ERAP1: variants seen among roughly 807,000 people sequenced by gnomAD.
The protein encoded by ERAP1 is endoplasmic reticulum aminopeptidase 1.
Under a neutral mutation model 103.7 loss-of-function variants are expected in ERAP1, and 86 were observed. The ratio of observed to expected loss-of-function variants is 0.83; its 90% confidence interval spans 0.70 to 0.99. ERAP1 has a LOEUF of 0.99. Among genes scored for constraint, ERAP1 ranks in the 50% least tolerant of loss-of-function variants. ERAP1 has a pLI of 0.00. For missense variants in ERAP1, 1,009 were observed against 1,128.4 expected (o/e 0.89, Z 1.52); for synonymous variants, 398 against 402.4 (o/e 0.99, Z 0.13).
chr5:96,793,444 TA>T lies in ERAP1; in HGVS notation c.1143del (p.Phe381LeufsTer9). 1 of 1,613,952 alleles carries T rather than the reference TA, an allele frequency of 6.2e-7. No individual in the cohort carries two copies. The highest frequency in any genetic ancestry group is 8.5e-7 in the Non-Finnish European group (1 of 1,179,902). On this transcript the variant is annotated frameshift_variant, in exon 7 of 19. Transcript: ENST00000443439. LOFTEE classifies it high-confidence loss of function. ...GTCACACTGACAGACACAAACTCCA[TA>T]AATTTGGCAAATCCTTCATTTAGCC... ...DLWLNEGFAK[F>X]MEFVSVSVTH...
chr5:96,881,043 A>C, the ERAP1 span: 1,236 of 174,094 alleles, frequency 7.1e-3, 15 homozygotes, highest in African/African-American at 0.028. Context: ...CAAGTGCTCT[A>C]AAGTGGGATT....
chr5:96,822,143 A>G, the ERAP1 span, among the ~76,000 whole-genome samples: 99,872 of 151,542 alleles, frequency 0.66, 33,388 homozygotes, highest in Non-Finnish European at 0.72. Context: ...GCCAAAGGGT[A>G]TCTTGAGCCT....
At chr5:96,764,675 G>A (rs1244998396) in intron 19 of ERAP1, among the ~76,000 whole-genome samples, 1 of 152,096 alleles carries the variant, frequency 6.6e-6, no homozygotes, top group Non-Finnish European at 1.5e-5. Context: ...TGCGGGTCAC[G>A]CTGCACTTTC....
At chr5:96,782,067 G>A (rs890666089) in intron 15 of ERAP1, among the ~76,000 whole-genome samples, 3 of 148,000 alleles carry the variant, frequency 2.0e-5, no homozygotes, top group Non-Finnish European at 3.0e-5. Flanking sequence ...CTGGAGTGCC[G>A]TGGCTCGATA....
rs549478250 is a variant in ERAP1 at position 96,797,536 on chromosome 5, C to T, written c.664-227G>A. Among the ~76,000 whole-genome samples the T allele has an allele frequency of 7.2e-5, 11 of 152,148 alleles. No individual in the cohort carries two copies. In the South Asian group the frequency reaches 1.9e-3, roughly 26 times the overall value. On this transcript the variant is annotated intron_variant, in intron 3 of 18. Transcript: ENST00000443439. The stretch of plus-strand genomic sequence containing the variant: ...ACAAAAATTAGTCCTGCTGGTGGTG[C>T]GTGCCTGTAGTCATAGCTACTGGGG...
chr5:96,827,984 T>A, the ERAP1 span, among the ~76,000 whole-genome samples: 2 of 152,260 alleles, frequency 1.3e-5, no homozygotes, highest in African/African-American at 4.8e-5. Context: ...TAAGACTTTG[T>A]AGTTCACAGA....
intron 18 of ERAP1, among the ~76,000 whole-genome samples, chr5:96,779,041 C>A (rs1055075641): frequency 6.6e-6 from 1 of 152,176 alleles, no homozygotes; most frequent in African/African-American, 2.4e-5. Flanking sequence ...CCTTCGATAT[C>A]TTCTCAAATG....
chr5:96,911,100 T>C, the ERAP1 span, among the ~76,000 whole-genome samples: 4 of 152,356 alleles, frequency 2.6e-5, no homozygotes, highest in East Asian at 3.9e-4. Context: ...ATTAGAATCA[T>C]AGGGTTAAAT....
the ERAP1 span, chr5:96,915,820 G>A: frequency 2.8e-6 from 4 of 1,422,672 alleles, 1 homozygote; most frequent in Admixed American, 8.3e-5. Flanking sequence ...TCAAATTGTG[G>A]AATTGAAAGT....
the ERAP1 span, among the ~76,000 whole-genome samples, chr5:96,840,252 AC>A: frequency 6.6e-6 from 1 of 152,154 alleles, no homozygotes; most frequent in Non-Finnish European, 1.5e-5. Context: ...TGACTTATTA[AC>A]CCCAACATTA....
chr5:96,816,589 G>T, the ERAP1 span, among the ~76,000 whole-genome samples: 2 of 152,110 alleles, frequency 1.3e-5, no homozygotes, highest in Non-Finnish European at 2.9e-5. Context: ...CATAACATTA[G>T]CGTTGTGGTT....
At chr5:96,902,344 T>C in the ERAP1 span, 1 of 1,608,254 alleles carries the variant, frequency 6.2e-7, no homozygotes, top group East Asian at 2.2e-5. Context: ...CATTCTAAAA[T>C]CAAAGACAGG....
At chr5:96,916,736 G>A in the ERAP1 span, among the ~76,000 whole-genome samples, 1 of 151,054 alleles carries the variant, frequency 6.6e-6, no homozygotes, top group Admixed American at 6.6e-5. Context: ...CCGAAGTGCT[G>A]GGATTACAGG....
chr5:96,772,536 T>C (rs1420424959), downstream of ERAP1: 1 of 152,770 alleles, frequency 6.5e-6, no homozygotes, highest in Non-Finnish European at 1.5e-5. Context: ...AAATTCCTTC[T>C]GTCTGTTATA....
chr5:96,803,561 G>C lies in ERAP1; in HGVS notation c.366C>G (p.Val122=). ...TTTGCTCCTGACGGGGGTGTTCCAG[G>C]ACCTGCAGGGGTTCTTCCGATAGCC... ...GERLSEEPLQ[V]LEHPRQEQIA... is the part of the protein sequence containing the mutation. The change falls in exon 2 of 19, where the codon GTC becomes GTG. Residue 122 remains valine (V), a synonymous_variant. Coordinates refer to ENST00000443439, the MANE Select transcript of ERAP1 (RefSeq NM_001040458.3). The C allele has an allele frequency of 6.2e-7, 1 of 1,613,964 alleles. No individual in the cohort carries two copies.
chr5:96,917,748 T>C, the ERAP1 span: 1 of 502,980 alleles, frequency 2.0e-6, no homozygotes, highest in Non-Finnish European at 3.3e-6. Context: ...CCGCTAAAAA[T>C]ACAAAAAATT....
At chr5:96,816,802 C>T in the ERAP1 span, among the ~76,000 whole-genome samples, 1 of 152,148 alleles carries the variant, frequency 6.6e-6, no homozygotes, top group African/African-American at 2.4e-5. Flanking sequence ...CTTTCAGGAC[C>T]CCTCTCTTCG....
chr5:96,923,555 G>A, the ERAP1 span, among the ~76,000 whole-genome samples: 1 of 151,682 alleles, frequency 6.6e-6, no homozygotes, highest in Non-Finnish European at 1.5e-5. Context: ...TTAGCCGGGC[G>A]CAGTGGCGGG....
chr5:96,838,387 C>T, the ERAP1 span, among the ~76,000 whole-genome samples: 1 of 152,166 alleles, frequency 6.6e-6, no homozygotes, highest in African/African-American at 2.4e-5. Flanking sequence ...CCAAAGTCTA[C>T]ATTGGAAAAT....
Sources: gnomAD v4.1 joint callset for allele counts (sites outside exome capture counted in the v4.1 genomes callset) on GRCh38, gnomAD v4.1.1 for gene constraint, MANE v1.5 for transcripts, NCBI Gene and HGNC (gene_info 2026-07-23, HGNC 2026-07-21) for gene names.